Variants in ERICH1 observed in about 807,000 individuals in gnomAD.
The protein encoded by ERICH1 is glutamate rich 1, also known as glutamate-rich protein 1.
A neutral mutation model predicts 39.6 loss-of-function variants in ERICH1; 56 were observed. The observed-to-expected ratio is 1.41, with a 90% confidence interval of 1.14 to 1.77. The LOEUF (loss-of-function observed/expected upper bound fraction) is 1.77, where lower values mean the gene tolerates loss of function less well. Ranked by LOEUF, ERICH1 falls within the 40% of genes most tolerant of loss-of-function variation. The pLI is 0.00. For missense variants in ERICH1, 826 were observed against 575.4 expected (o/e 1.44, Z -4.45); for synonymous variants, 313 against 223.6 (o/e 1.40, Z -3.57).
intron 3 of ERICH1, among the ~76,000 whole-genome samples, chr8:658,475 C>G (rs1800952637): frequency 6.6e-6 from 1 of 152,220 alleles, no homozygotes; most frequent in Admixed American, 6.5e-5. Context: ...CCAAACCCCT[C>G]TTCCCAAACC....
intron 3 of ERICH1, among the ~76,000 whole-genome samples, chr8:643,656 G>A (rs113703615): frequency 0.013 from 1,972 of 152,210 alleles, 37 homozygotes; most frequent in African/African-American, 0.044. Flanking sequence ...TCTGTGTCTC[G>A]GGACTCTGAG....
intron 2 of ERICH1, among the ~76,000 whole-genome samples, chr8:694,866 C>T (rs78334569): frequency 0.018 from 2,795 of 152,284 alleles, 36 homozygotes; most frequent in Middle Eastern, 0.034. Flanking sequence ...TTCCCCGTCC[C>T]ATCATCTCCT....
At chr8:640,761 G>C (rs1585002283) in intron 3 of ERICH1, 1 of 152,172 alleles carries the variant, frequency 6.6e-6, no homozygotes, top group South Asian at 2.1e-4. Context: ...GGATGGACCT[G>C]GAATACTTTT....
At chr8:665,388 G>C (rs1346064976) in intron 5 of ERICH1, among the ~76,000 whole-genome samples, 1 of 152,274 alleles carries the variant, frequency 6.6e-6, no homozygotes, top group Admixed American at 6.5e-5. Flanking sequence ...CCCTCCCCAA[G>C]GTCAGGTTTT....
downstream of ERICH1, among the ~76,000 whole-genome samples, chr8:661,797 A>T (rs1458645039): frequency 1.3e-5 from 2 of 152,248 alleles, no homozygotes; most frequent in Non-Finnish European, 2.9e-5. Flanking sequence ...CTATTCCTCA[A>T]TATTCTCAGG....
chr8:630,413 C>T (rs1254519935), intron 3 of ERICH1, among the ~76,000 whole-genome samples: 1 of 144,754 alleles, frequency 6.9e-6, no homozygotes, highest in East Asian at 2.1e-4. Context: ...TCACACCCTC[C>T]TGTGACCACC....
intron 3 of ERICH1, among the ~76,000 whole-genome samples, chr8:688,780 C>T (rs1808242345): frequency 6.6e-6 from 1 of 152,166 alleles, no homozygotes; most frequent in African/African-American, 2.4e-5. Flanking sequence ...ATCTGAGCTT[C>T]CTGGTGGCAA....
At chr8:656,617 C>T (rs1563195418) in intron 3 of ERICH1, 8 of 386,540 alleles carry the variant, frequency 2.1e-5, no homozygotes, top group Non-Finnish European at 2.8e-5. Context: ...TCAGCCAGGG[C>T]TTGCCCCTGG....
intron 3 of ERICH1, among the ~76,000 whole-genome samples, chr8:630,716 C>A (rs1797961651): frequency 7.1e-6 from 1 of 141,650 alleles, no homozygotes; most frequent in African/African-American, 2.7e-5. Flanking sequence ...CTGACACACA[C>A]CCTCCTGTGA....
At chr8:668,872 G>A in intron 4 of ERICH1, 80 bp from the exon 5 acceptor site, 1 of 1,349,074 alleles carries the variant, frequency 7.4e-7, no homozygotes, top group Non-Finnish European at 1.0e-6. Flanking sequence ...CTCTCTTAAG[G>A]AAGGTCTCAA....
chr8:717,602 G>A (rs554110337), intron 1 of ERICH1, among the ~76,000 whole-genome samples: 20 of 152,332 alleles, frequency 1.3e-4, no homozygotes, highest in African/African-American at 4.8e-4. Context: ...CAGATAAGAT[G>A]CACTTTATCC....
intron 3 of ERICH1, among the ~76,000 whole-genome samples, chr8:642,647 G>C (rs1238915173): frequency 6.6e-6 from 1 of 152,032 alleles, no homozygotes; most frequent in African/African-American, 2.4e-5. Flanking sequence ...CCACAGTTGA[G>C]AATTTCACAG....
At chr8:681,467 T>C (rs1806100699) in intron 3 of ERICH1, among the ~76,000 whole-genome samples, 1 of 152,232 alleles carries the variant, frequency 6.6e-6, no homozygotes, top group Admixed American at 6.5e-5. Context: ...ATATATGAGA[T>C]GGAGAAAACC....
chr8:671,269 C>T (rs1803295183), intron 4 of ERICH1, among the ~76,000 whole-genome samples: 1 of 122,802 alleles, frequency 8.1e-6, no homozygotes, highest in Non-Finnish European at 1.7e-5. Flanking sequence ...CTGCTCCGAC[C>T]ACTGAGCGCG....
At chr8:674,213 CG>C (rs1804133974) in intron 3 of ERICH1, among the ~76,000 whole-genome samples, 166 bp from the exon 4 acceptor site, 1 of 150,898 alleles carries the variant, frequency 6.6e-6, no homozygotes. Context: ...CTAGGACTAA[CG>C]TAATATAAAT....
intron 3 of ERICH1, among the ~76,000 whole-genome samples, chr8:682,408 C>T (rs1015264521): frequency 1.3e-5 from 2 of 152,210 alleles, no homozygotes; most frequent in Non-Finnish European, 1.5e-5. Flanking sequence ...TATGCTCTGG[C>T]GTCCTGGTGG....
intron 3 of ERICH1, among the ~76,000 whole-genome samples, chr8:680,912 A>C (rs1050899236): frequency 1.3e-5 from 2 of 152,184 alleles, no homozygotes; most frequent in African/African-American, 4.8e-5. Context: ...GACAGGGCAG[A>C]GGGGAGGAAG....
At chr8:639,157 G>A (rs62486234) in intron 3 of ERICH1, among the ~76,000 whole-genome samples, 8 of 151,984 alleles carry the variant, frequency 5.3e-5, no homozygotes, top group African/African-American at 9.7e-5. Context: ...CCCAAAGCCC[G>A]GGTCTTGGAT....
intron 3 of ERICH1, among the ~76,000 whole-genome samples, chr8:652,527 A>G (rs999806869): frequency 6.6e-6 from 1 of 152,238 alleles, no homozygotes; most frequent in Non-Finnish European, 1.5e-5. Context: ...CTGTTTCCGC[A>G]TAATTATTAA....
Sources: gnomAD v4.1 joint callset for allele counts (sites outside exome capture counted in the v4.1 genomes callset) on GRCh38, gnomAD v4.1.1 for gene constraint, MANE v1.5 for transcripts, NCBI Gene and HGNC (gene_info 2026-07-23, HGNC 2026-07-21) for gene names.